CELSR1: variants seen among roughly 807,000 people sequenced by gnomAD.
CELSR1 encodes the protein cadherin EGF LAG seven-pass G-type receptor 1.
In CELSR1, 110 loss-of-function variants were observed where a neutral mutation model predicts 249.1. That is an observed-to-expected ratio of 0.44 (90% CI 0.38 to 0.52). The LOEUF (loss-of-function observed/expected upper bound fraction) is 0.52, where lower values mean the gene tolerates loss of function less well. Ranked by LOEUF, CELSR1 falls within the 20% of genes least tolerant of loss-of-function variation. The pLI is 0.00. For synonymous variants in CELSR1, 2,113 were observed against 1,900.0 expected, an observed-to-expected ratio of 1.11 and a Z score of -2.92; for missense variants, 4,109 against 4,296.4, an observed-to-expected ratio of 0.96 and a Z score of 1.22.
chr22:46,385,823 G>A (rs1014586349), intron 19 of CELSR1, among the ~76,000 whole-genome samples: 22 of 151,218 alleles, frequency 1.5e-4, no homozygotes, highest in Non-Finnish European at 1.8e-4. Context: ...GACTACAAAC[G>A]CCCACCACCA....
At chr22:46,462,100 C>T (rs1411864417) in intron 2 of CELSR1, among the ~76,000 whole-genome samples, 2 of 152,382 alleles carry the variant, frequency 1.3e-5, no homozygotes, top group East Asian at 3.9e-4. Flanking sequence ...GGGTCTCCCG[C>T]CGCCTCTGCC....
At position 46,410,746 on chromosome 22, in the gene CELSR1, G is replaced by C. The variant is rs1166996545; in HGVS notation, c.4770-185C>G. 6.6e-6 allele frequency among the ~76,000 whole-genome samples: 1 copy of C among 151,952 alleles called. No homozygotes were observed. Among genetic ancestry groups the C allele is most frequent in the Non-Finnish European group, 1.5e-5 (1 of 67,994 alleles). On this transcript the variant is annotated intron_variant, in intron 6 of 34. Coordinates refer to ENST00000674500, the MANE Select transcript of CELSR1 (RefSeq NM_001378328.1). The surrounding 1 kb of genome is among the most constrained non-coding windows in gnomAD (Gnocchi z 6.8). The stretch of plus-strand genomic sequence containing the variant: ...TCTGGTGCCGCCACTGCCTCCGTTT[G>C]CTCACACTTGTGTTCAGTCCTGACG...
At position 46,361,943 on chromosome 22, in the gene CELSR1, A is replaced by G. The variant is rs1452672896; in HGVS notation, c.*1280T>C. ...GCCCGACCTTGGTGTGAATTTCCAA[A>G]AACAGTTTGGTAACCGTTGAAGAGT... On this transcript the variant is annotated 3_prime_UTR_variant, in exon 35 of 35. Coordinates refer to ENST00000674500, the MANE Select transcript of CELSR1 (RefSeq NM_001378328.1). The G allele has an allele frequency of 6.6e-6, 1 of 152,184 alleles. No individual in the cohort carries two copies. The highest frequency in any genetic ancestry group is 2.4e-5 in the African/African-American group (1 of 41,428). 9.4% of individuals were successfully genotyped at this position (152,184 alleles called of 1,614,324 possible).
rs2078785367 is a variant in CELSR1, at chr22:46,366,579, A to G, written c.8206-99T>C. The G allele has an allele frequency of 1.0e-5, 10 of 982,656 alleles. No homozygotes were observed. The Admixed American group carries it at 1.4e-4, about 14-fold the overall frequency. The allele number at this position is 982,656 out of a possible 1,614,324, so 60.9% of individuals were successfully genotyped here. ...CCCACGGCAAGCCCCCCACACCCAC[A>G]CCCTGGCTGGGCCCCTGCCTGGCAC... is the stretch of plus-strand genomic sequence containing the variant. On this transcript the variant is annotated intron_variant, in intron 29 of 34. Transcript: ENST00000674500.
intron 18 of CELSR1, 83 bp from the exon 19 acceptor site, chr22:46,386,668 G>C: frequency 1.7e-6 from 2 of 1,189,650 alleles, no homozygotes; most frequent in Non-Finnish European, 2.3e-6. Flanking sequence ...GAAAGCCTTT[G>C]CTTGCCTAGT....
At chr22:46,474,725 A>C (rs2080189925) in intron 1 of CELSR1, among the ~76,000 whole-genome samples, 1 of 79,182 alleles carries the variant, frequency 1.3e-5, no homozygotes. Context: ...ATCTCTCCCC[A>C]ACCCCCTCTT....
chr22:46,537,457 G>A lies in CELSR1; in HGVS notation c.-287C>T, dbSNP rs1246868680. Reference sequence around the variant, plus strand: ...CCGCGCATCAACCTGCGGCGGCGGCGGCGGCTCCAGGCGGCTCCAGGTGGC... The same window carrying A: ...CCGCGCATCAACCTGCGGCGGCGGCAGCGGCTCCAGGCGGCTCCAGGTGGC... On this transcript the variant is annotated 5_prime_UTR_variant, in exon 1 of 35. Coordinates refer to ENST00000674500, the MANE Select transcript of CELSR1 (RefSeq NM_001378328.1). The surrounding 1 kb of genome is among the most constrained non-coding windows in gnomAD (Gnocchi z 5.8). Among the ~76,000 whole-genome samples the A allele has an allele frequency of 2.0e-5, 3 of 148,024 alleles. No homozygotes were observed. Among genetic ancestry groups the A allele is most frequent in the African/African-American group, 5.0e-5 (2 of 39,920 alleles).
In CELSR1 at chr22:46,381,876, T is replaced by A; in HGVS notation, c.7058A>T (p.Glu2353Val). 1 of 1,570,338 alleles carries A rather than the reference T, an allele frequency of 6.4e-7. No homozygotes were observed. Among genetic ancestry groups the A allele is most frequent in the Admixed American group, 1.8e-5 (1 of 54,484 alleles). The stretch of plus-strand genomic sequence containing the variant: ...GCTGCGACGGTCGGGGTCGTAGCGC[T>A]CGGGCAGGAGCTGCCCCAGGGTGCG... ...IYRTLGQLLP[E>V]RYDPDRRSLR... Residue 2353 changes from glutamate (E) to valine (V), a missense_variant, in exon 21 of 35, where the codon GAG (glutamate) becomes GTG (valine). Around this residue, in one of 7 missense-constraint regions of CELSR1, gnomAD observed 1,805 missense variants for 1,831.6 expected, o/e 0.99. Transcript: ENST00000674500. This position sits in a 1 kb window ranked among gnomAD's most constrained non-coding sequence, Gnocchi z 6.0.
In CELSR1 at chr22:46,380,884, G is replaced by A. The variant is rs199670978; in HGVS notation, c.7160C>T (p.Pro2387Leu). ...TLVYSEGAPL[P>L]RPLERPVLVE... ...CAGGACGGGCCTCTCCAGGGGTCTC[G>A]GGAGCGGAGCCCCCTCGCTGTACAC... Residue 2387 changes from proline to leucine, a missense_variant, in exon 22 of 35, where the codon CCG (proline) becomes CTG (leucine). By Grantham distance (98) the Pro-to-Leu change is moderately conservative. Transcript: ENST00000674500. This position sits in a 1 kb window ranked among gnomAD's most constrained non-coding sequence, Gnocchi z 5.1. The A allele has an allele frequency of 1.3e-4, 204 of 1,613,332 alleles. 1 individual carries two copies. The highest frequency in any genetic ancestry group is 1.2e-3 in the South Asian group (108 of 91,074).
At chr22:46,383,492 G>T (rs1470245232) in intron 20 of CELSR1, among the ~76,000 whole-genome samples, 1 of 152,106 alleles carries the variant, frequency 6.6e-6, no homozygotes, top group Non-Finnish European at 1.5e-5. Flanking sequence ...TGCGGGAAGG[G>T]GAAGGTGATT....
chr22:46,536,167 G>A lies in CELSR1; in HGVS notation c.1004C>T (p.Ala335Val). ...GACCAAGACAGTGATGTAGGTGGTG[G>A]CCGAGCGCGGCGGCGTACTGTAGTC... The part of the protein sequence containing the change: ...AVDYSTPPRS[A>V]TTYITVLVKD... Residue 335 changes from alanine to valine, a missense_variant, in exon 1 of 35, where the codon GCC becomes GTC. Physicochemically the swap from Ala to Val is moderately conservative, Grantham distance 64. This residue lies in a region of CELSR1 where 673 missense variants were observed against 636.8 expected (regional missense o/e 1.06). Coordinates refer to ENST00000674500, the MANE Select transcript of CELSR1 (RefSeq NM_001378328.1). 6.2e-7 allele frequency: 1 copy of A among 1,612,778 alleles called. No individual in the cohort carries two copies. The highest frequency in any genetic ancestry group is 8.5e-7 in the Non-Finnish European group (1 of 1,180,006).
At position 46,478,606 on chromosome 22, in the gene CELSR1, G is replaced by A. The variant is rs569647616; in HGVS notation, c.3545-14261C>T. Among the ~76,000 whole-genome samples, 513 of 151,464 alleles carry A rather than the reference G, an allele frequency of 3.4e-3. 3 individuals carry two copies. The highest frequency in any genetic ancestry group is 5.2e-3 in the Non-Finnish European group (356 of 67,894). On this transcript the variant is annotated intron_variant, in intron 1 of 34. Coordinates refer to ENST00000674500, the MANE Select transcript of CELSR1 (RefSeq NM_001378328.1). ...CGCCCAGTCTAAAGTGCAGTGGTGC[G>A]ATCTCGGCTCACTGCAACCTCTGCC...
intron 1 of CELSR1, among the ~76,000 whole-genome samples, chr22:46,531,141 G>C (rs189182357): frequency 6.6e-6 from 1 of 152,100 alleles, no homozygotes; most frequent in East Asian, 1.9e-4. Context: ...TACTTATTTG[G>C]AGCATTAAAT....
intron 2 of CELSR1, among the ~76,000 whole-genome samples, chr22:46,459,814 T>C (rs2079999882): frequency 6.6e-6 from 1 of 152,174 alleles, no homozygotes; most frequent in Non-Finnish European, 1.5e-5. Context: ...ATGACCCCAT[T>C]ATAAAATGGG....
At chr22:46,452,414 G>C (rs1403822384) in intron 2 of CELSR1, among the ~76,000 whole-genome samples, 1 of 152,174 alleles carries the variant, frequency 6.6e-6, no homozygotes, top group Non-Finnish European at 1.5e-5. Context: ...GGGAAGTCCT[G>C]GTTGCCAAGA....
In CELSR1 at chr22:46,402,020, G is replaced by A. The variant is rs556647222; in HGVS notation, c.5227-2118C>T. Among the ~76,000 whole-genome samples, 39 of 152,058 alleles carry A rather than the reference G, an allele frequency of 2.6e-4. No individual in the cohort carries two copies. Among genetic ancestry groups the A allele is most frequent in the Non-Finnish European group, 4.1e-4 (28 of 67,992 alleles). On this transcript the variant is annotated intron_variant, in intron 9 of 34. Transcript: ENST00000674500. This position sits in a 1 kb window ranked among gnomAD's most constrained non-coding sequence, Gnocchi z 5.0. The stretch of plus-strand genomic sequence containing the variant: ...GGAGAATTGCTTGAACTCGGGAGGC[G>A]GAGGTAGCAGTGAACCGAGATCACG...
chr22:46,461,822 G>GC (rs982586110), intron 2 of CELSR1, among the ~76,000 whole-genome samples: 11 of 152,328 alleles, frequency 7.2e-5, no homozygotes, highest in East Asian at 3.9e-4. Context: ...TCGACGAAGC[G>GC]CCCCCCACCC....
chr22:46,533,623 T>C lies in CELSR1; in HGVS notation c.3544+4A>G. On this transcript the variant is annotated splice_donor_region_variant and intron_variant, in intron 1 of 34. Transcript: ENST00000674500. ...CTACTCCTCCCACCCCGACGGCCAC[T>C]CACCAGACACAGACACCTCCATGAG... 1 of 1,548,634 alleles carries C rather than the reference T, an allele frequency of 6.5e-7. No homozygotes were observed. The highest frequency in any genetic ancestry group is 8.7e-7 in the Non-Finnish European group (1 of 1,151,620).
chr22:46,534,025 A>C lies in CELSR1; in HGVS notation c.3146T>G (p.Leu1049Arg). ...VEGDMRHFFQLDLLNGDLRAM... is the reference protein window; with the variant it reads ...VEGDMRHFFQRDLLNGDLRAM... ...ACGCAGGTCCCCGTTGAGCAGGTCC[A>C]GCTGGAAGAAATGCCGCATGTCCCC... The change falls in exon 1 of 35, where the codon CTG becomes CGG. Residue 1049 changes from leucine (L) to arginine (R), a missense_variant. By Grantham distance (102) the Leu-to-Arg change is moderately radical (BLOSUM62 -2). Around this residue, in one of 7 missense-constraint regions of CELSR1, gnomAD observed 886 missense variants for 896.5 expected, o/e 0.99. Coordinates refer to ENST00000674500, the MANE Select transcript of CELSR1 (RefSeq NM_001378328.1). The surrounding 1 kb of genome is among the most constrained non-coding windows in gnomAD (Gnocchi z 9.7). The C allele has an allele frequency of 6.2e-7, 1 of 1,613,736 alleles. No individual in the cohort carries two copies. The highest frequency in any genetic ancestry group is 8.5e-7 in the Non-Finnish European group (1 of 1,180,024).
Sources: gnomAD v4.1 joint callset for allele counts (sites outside exome capture counted in the v4.1 genomes callset) on GRCh38, gnomAD v4.1.1 for gene constraint, gnomAD v4.1.1 regional missense constraint, Gnocchi (gnomAD v3.1) non-coding constraint, MANE v1.5 for transcripts, NCBI Gene and HGNC (gene_info 2026-07-23, HGNC 2026-07-21) for gene names.